MUC5AC: variants seen among roughly 807,000 people sequenced by gnomAD.
The protein encoded by MUC5AC is mucin 5AC, oligomeric mucus/gel-forming.
MUC5AC carries 158 observed loss-of-function variants against 169.7 expected under a neutral mutation model. The observed-to-expected ratio is 0.93, with a 90% CI of 0.82 to 1.06. The LOEUF (loss-of-function observed/expected upper bound fraction) is 1.06. Among genes scored for constraint, MUC5AC ranks in the 50% least tolerant of loss-of-function variants. MUC5AC has a pLI of 0.00. For missense variants in MUC5AC, 4,359 were observed against 3,089.9 expected (o/e 1.41, Z -9.74); for synonymous variants, 1,975 against 1,237.0 (o/e 1.60, Z -12.52).
At chr11:1,161,164 G>T (rs1860130476) in intron 2 of MUC5AC, among the ~76,000 whole-genome samples, 1 of 152,202 alleles carries the variant, frequency 6.6e-6, no homozygotes, top group Non-Finnish European at 1.5e-5. Context: ...CAAACTCTCA[G>T]ATTGCATTTC....
Position 1,188,178 on chromosome 11 carries a change from A to G in MUC5AC, c.10033A>G (p.Ser3345Gly). 1.5e-6 allele frequency: 1 copy of G among 689,274 alleles called. No homozygotes were observed. The highest frequency in any genetic ancestry group is 2.6e-6 in the Non-Finnish European group (1 of 380,256). The allele number at this position is 689,274 out of a possible 1,614,324, so 42.7% of individuals were successfully genotyped here. A position where few individuals can be genotyped will look rare whatever the true frequency, so the allele number is the denominator to read the frequency against. Residue 3345 changes from serine (S) to glycine (G), a missense_variant, in exon 31 of 49, where the codon AGC becomes GGC. Transcript: ENST00000621226. Reference protein sequence around the residue: ...APSTPSGRATSPTQSTSSWQK... With the variant: ...APSTPSGRATGPTQSTSSWQK... ...TAGCACCCCTAGTGGGAGAGCCACC[A>G]GCCCAACTCAGAGCACTTCCTCTTG...
intron 9 of MUC5AC, among the ~76,000 whole-genome samples, 179 bp downstream of exon 9, chr11:1,164,711 G>A (rs921997921): frequency 1.5e-4 from 23 of 151,424 alleles, no homozygotes; most frequent in African/African-American, 5.1e-4. Context: ...GGCCCCCTGA[G>A]GCTGGCTGAG....
chr11:1,200,304 G>C (rs1861391304), intron 48 of MUC5AC, 134 bp from the exon 49 acceptor site: 2 of 601,130 alleles, frequency 3.3e-6, no homozygotes, highest in African/African-American at 3.7e-5. Context: ...AAGGAGAGCT[G>C]GTTGTCAGAC....
intron 43 of MUC5AC, among the ~76,000 whole-genome samples, chr11:1,198,580 C>T (rs956719986): frequency 2.0e-5 from 3 of 152,258 alleles, no homozygotes; most frequent in East Asian, 1.9e-4. Flanking sequence ...CTGGATCCCA[C>T]GGCTCTGTCC....
chr11:1,176,324 G>A, intron 20 of MUC5AC, 73 bp downstream of exon 20: 1 of 398,786 alleles, frequency 2.5e-6, no homozygotes, highest in African/African-American at 2.1e-5. Flanking sequence ...TGTCCCCAGG[G>A]TGGGCAGTGG....
chr11:1,199,525 G>C, intron 46 of MUC5AC, 35 bp downstream of exon 46: 2 of 702,628 alleles, frequency 2.8e-6, no homozygotes, highest in East Asian at 2.7e-5. Context: ...GCCAAGGGGG[G>C]CTTCACCCCT....
At position 1,169,915 on chromosome 11, in the gene MUC5AC, C is replaced by T. The variant is rs1367994831; in HGVS notation, c.1870+889C>T. On this transcript the variant is annotated intron_variant, in intron 15 of 48. Coordinates refer to ENST00000621226, the MANE Select transcript of MUC5AC (RefSeq NM_001304359.2). Reference sequence around the variant, plus strand: ...TCACCGACTCAACCATTCACTCACCCATTCACCCATTCACTCACTCGCCCA... The same window carrying T: ...TCACCGACTCAACCATTCACTCACCTATTCACCCATTCACTCACTCGCCCA... 3.2e-4 allele frequency among the ~76,000 whole-genome samples: 44 copies of T among 138,366 alleles called. 1 individual carries two copies. Among genetic ancestry groups the T allele is most frequent in the Admixed American group, 1.2e-3 (17 of 14,240 alleles). The allele number at this position is 138,366 out of a possible 152,430, so 90.8% of individuals were successfully genotyped here.
At chr11:1,176,301 T>G in intron 20 of MUC5AC, 50 bp downstream of exon 20, 1 of 398,738 alleles carries the variant, frequency 2.5e-6, no homozygotes, top group Non-Finnish European at 4.4e-6. Flanking sequence ...TGCCCCTGCC[T>G]GCTAAGGGCG....
intron 2 of MUC5AC, among the ~76,000 whole-genome samples, chr11:1,161,051 G>A (rs973903028): frequency 2.0e-5 from 3 of 152,198 alleles, no homozygotes; most frequent in African/African-American, 4.8e-5. Flanking sequence ...CTCCCTTGGC[G>A]CCGGCCGTCC....
chr11:1,162,435 A>T, intron 4 of MUC5AC, 97 bp from the exon 5 acceptor site: 1 of 1,182,118 alleles, frequency 8.5e-7, no homozygotes, highest in Non-Finnish European at 1.2e-6. Context: ...CTTCACGGTC[A>T]CGATGACCGT....
At position 1,185,548 on chromosome 11, in the gene MUC5AC, C is replaced by T; in HGVS notation, c.7403C>T (p.Thr2468Ile). ...ACAACCTCTGCCCCTACAACAAGAA[C>T]AACTTCTGCTCCTAAAAGCAGCACA... ...TSTTSAPTTR[T>I]TSAPKSSTTS... Residue 2468 changes from threonine to isoleucine, a missense_variant, in exon 31 of 49, where the codon ACA (threonine) becomes ATA (isoleucine). Coordinates refer to ENST00000621226, the MANE Select transcript of MUC5AC (RefSeq NM_001304359.2). The T allele has an allele frequency of 1.4e-6, 1 of 721,386 alleles. No individual in the cohort carries two copies. 44.7% of individuals were successfully genotyped at this position (721,386 alleles called of 1,614,324 possible).
At chr11:1,168,044 G>A in intron 12 of MUC5AC, 57 bp downstream of exon 12, 1 of 1,422,078 alleles carries the variant, frequency 7.0e-7, no homozygotes, top group Non-Finnish European at 9.7e-7. Context: ...TGTCTCTTCT[G>A]CAAGTCACCT....
rs757975341 is a variant in MUC5AC at position 1,165,762 on chromosome 11, T to C, written c.1386+2T>C. 2 of 1,611,792 alleles carry C rather than the reference T, an allele frequency of 1.2e-6. No homozygotes were observed. Among genetic ancestry groups the C allele is most frequent in the South Asian group, 1.1e-5 (1 of 91,086 alleles). ...GACTGCAGCTATGTGCTGACCAAGG[T>C]ACGGCCTGGCTGCCTGGGGTGCTCG... On this transcript the variant is annotated splice_donor_variant, in intron 11 of 48. Transcript: ENST00000621226. LOFTEE classifies it high-confidence loss of function.
At position 1,177,624 on chromosome 11, in the gene MUC5AC, C is replaced by T. The variant is rs964606389; in HGVS notation, c.3078C>T (p.Pro1026=). The change falls in exon 24 of 49, where the codon CCC becomes CCT. Residue 1026 remains proline (P), a synonymous_variant. Transcript: ENST00000621226. ...CCAGCATCTTCATCAACCTCAGCCC[C>T]GAGTTCAAGGTGAGACCACGCCCCT... ...KKTSIFINLS[P]EFKGRVCGLC... is the part of the protein sequence containing the mutation. The T allele has an allele frequency of 4.0e-5, 16 of 398,600 alleles. No homozygotes were observed. Among genetic ancestry groups the T allele is most frequent in the Non-Finnish European group, 5.7e-5 (13 of 226,162 alleles). 24.7% of individuals were successfully genotyped at this position (398,600 alleles called of 1,614,324 possible).
chr11:1,195,585 C>T (rs1015562464), intron 36 of MUC5AC, among the ~76,000 whole-genome samples: 5 of 151,612 alleles, frequency 3.3e-5, no homozygotes, highest in South Asian at 2.1e-4. Context: ...ACGGGGGCAT[C>T]GGTCACCACC....
intron 8 of MUC5AC, 21 bp from the exon 9 acceptor site, chr11:1,164,386 C>T: frequency 1.2e-6 from 2 of 1,611,956 alleles, no homozygotes; most frequent in Non-Finnish European, 1.7e-6. Context: ...CAGACGTGAG[C>T]CCTCTCTCTG....
At chr11:1,158,555 T>C (rs1860032320) in intron 1 of MUC5AC, among the ~76,000 whole-genome samples, 1 of 152,072 alleles carries the variant, frequency 6.6e-6, no homozygotes, top group Admixed American at 6.5e-5. Flanking sequence ...TGAGCTGGGA[T>C]GTGATGGTGA....
At position 1,194,306 on chromosome 11, in the gene MUC5AC, C is replaced by T. The variant is rs1474234863; in HGVS notation, c.14952C>T (p.His4984=). 1.3e-6 allele frequency: 1 copy of T among 749,018 alleles called. No homozygotes were observed. The highest frequency in any genetic ancestry group is 2.5e-5 in the East Asian group (1 of 40,116). The allele number at this position is 749,018 out of a possible 1,614,324, so 46.4% of individuals were successfully genotyped here. A position where few individuals can be genotyped will look rare whatever the true frequency, so the allele number is the denominator to read the frequency against. Residue 4984 remains histidine (H), a synonymous_variant, in exon 34 of 49, where the codon CAC becomes CAT. Coordinates refer to ENST00000621226, the MANE Select transcript of MUC5AC (RefSeq NM_001304359.2). ...CGAGGTCCATCATCCTGGAGTACCA[C>T]CAGGACCGCGTGGTGCTGACCCGCA... ...SCPRSIILEY[H]QDRVVLTRKP... is the part of the protein sequence containing the mutation.
intron 16 of MUC5AC, among the ~76,000 whole-genome samples, chr11:1,173,687 C>T (rs1262914952): frequency 6.6e-6 from 1 of 150,394 alleles, no homozygotes; most frequent in Non-Finnish European, 1.5e-5. Flanking sequence ...CACTCATTTA[C>T]TCACTCACTA....
Sources: gnomAD v4.1 joint callset for allele counts (sites outside exome capture counted in the v4.1 genomes callset) on GRCh38, gnomAD v4.1.1 for gene constraint, MANE v1.5 for transcripts, NCBI Gene and HGNC (gene_info 2026-07-23, HGNC 2026-07-21) for gene names.